The following CCDC82 variants were observed in gnomAD, a reference collection of about 807,000 sequenced individuals.
The protein encoded by CCDC82 is coiled-coil domain containing 82.
Under a neutral mutation model 60.6 loss-of-function variants are expected in CCDC82, and 47 were observed. The ratio of observed to expected loss-of-function variants is 0.77; its 90% confidence interval spans 0.61 to 0.99. The LOEUF (loss-of-function observed/expected upper bound fraction) is 0.99, where lower values mean the gene tolerates loss of function less well. Ranked by LOEUF, CCDC82 falls within the 50% of genes least tolerant of loss-of-function variation. CCDC82 has a pLI of 0.00. For missense variants in CCDC82, 588 were observed against 633.0 expected (o/e 0.93, Z 0.76); for synonymous variants, 212 against 207.4 (o/e 1.02, Z -0.19).
chr11:96,378,750 A>G (rs941059362), intron 5 of CCDC82, among the ~76,000 whole-genome samples: 19 of 152,020 alleles, frequency 1.2e-4, no homozygotes, highest in African/African-American at 4.3e-4. Context: ...TGTGTGAACT[A>G]TGTAAATGTG....
At chr11:96,389,557 A>C (rs1254158965) in intron 1 of CCDC82, 2 of 152,260 alleles carry the variant, frequency 1.3e-5, no homozygotes, top group African/African-American at 2.4e-5. Context: ...GGGTCTGGAA[A>C]GGCCAGAAAC....
At chr11:96,354,230 G>A (rs1383000042) in intron 9 of CCDC82, 1 of 152,298 alleles carries the variant, frequency 6.6e-6, no homozygotes, top group African/African-American at 2.4e-5. Flanking sequence ...GCAGTAAAGA[G>A]TGGCATTTAA....
At chr11:96,362,798 A>C (rs1238905791) in intron 8 of CCDC82, among the ~76,000 whole-genome samples, 1 of 152,170 alleles carries the variant, frequency 6.6e-6, no homozygotes, top group African/African-American at 2.4e-5. Flanking sequence ...TTCTTATGAA[A>C]CAAATTTGCT....
intron 9 of CCDC82, 91 bp downstream of exon 9, chr11:96,358,902 A>T: frequency 8.5e-7 from 1 of 1,176,758 alleles, no homozygotes; most frequent in Non-Finnish European, 1.2e-6. Context: ...ATTCTCTTAA[A>T]TTTCACTATC....
chr11:96,370,831 T>C (rs1180369238), intron 7 of CCDC82, among the ~76,000 whole-genome samples, 182 bp downstream of exon 7: 1 of 152,200 alleles, frequency 6.6e-6, no homozygotes, highest in East Asian at 1.9e-4. Flanking sequence ...AATTATTGGA[T>C]AGATATAGTT....
chr11:96,377,082 C>T (rs928898339), intron 5 of CCDC82, among the ~76,000 whole-genome samples: 10 of 152,264 alleles, frequency 6.6e-5, no homozygotes, highest in Middle Eastern at 3.4e-3. Context: ...TACAAATATT[C>T]GCTTAGGTAA....
intron 3 of CCDC82, chr11:96,385,322 A>G (rs1182638301): frequency 1.3e-5 from 2 of 152,642 alleles, no homozygotes; most frequent in African/African-American, 4.8e-5. Context: ...TGTTCAGTAA[A>G]TAAGCATGGC....
intron 6 of CCDC82, among the ~76,000 whole-genome samples, chr11:96,372,108 C>T (rs537521923): frequency 1.1e-3 from 167 of 152,226 alleles, no homozygotes; most frequent in African/African-American, 3.7e-3. Flanking sequence ...ACTTCAGCCA[C>T]AAAGGCCTTC....
intron 5 of CCDC82, chr11:96,383,053 C>G (rs1036988851): frequency 2.1e-6 from 1 of 479,718 alleles, no homozygotes; most frequent in East Asian, 3.3e-5. Flanking sequence ...ACAGGCATAA[C>G]TCATTGAAGT....
intron 6 of CCDC82, among the ~76,000 whole-genome samples, chr11:96,372,695 TAAA>T (rs1388098736): frequency 1.4e-5 from 2 of 144,396 alleles, no homozygotes; most frequent in East Asian, 3.9e-4. Flanking sequence ...AATAAATATA[TAAA>T]AATATATATA....
At chr11:96,367,820 C>CTTTTTT (rs777554159) in intron 7 of CCDC82, among the ~76,000 whole-genome samples, 5 of 122,724 alleles carry the variant, frequency 4.1e-5, no homozygotes, top group Non-Finnish European at 6.7e-5. Flanking sequence ...AAATGTATTT[C>CTTTTTT]TTTTTTTTTT....
chr11:96,374,868 G>C (rs970445100), intron 5 of CCDC82, among the ~76,000 whole-genome samples: 1 of 151,822 alleles, frequency 6.6e-6, no homozygotes, highest in Admixed American at 6.6e-5. Context: ...AGATAGATTT[G>C]TCTAATTTCA....
intron 5 of CCDC82, among the ~76,000 whole-genome samples, chr11:96,376,720 G>A (rs777332065): frequency 6.6e-6 from 1 of 152,080 alleles, no homozygotes. Flanking sequence ...GAGCCACCGC[G>A]CCTGGCCTGC....
rs1864157934 is a variant in CCDC82 at position 96,352,956 on chromosome 11, A to G, written c.*690T>C. On this transcript the variant is annotated 3_prime_UTR_variant, in exon 10 of 10. Coordinates refer to ENST00000646818, the MANE Select transcript of CCDC82 (RefSeq NM_024725.4). ...ATAAAAATAAATAAAATACATCTTAATCATCAATATATAGACAAAATTGAA... is the reference window on the plus strand; with the variant it reads ...ATAAAAATAAATAAAATACATCTTAGTCATCAATATATAGACAAAATTGAA... 1 of 152,214 alleles carries G rather than the reference A, an allele frequency of 6.6e-6. No individual in the cohort carries two copies. The highest frequency in any genetic ancestry group is 2.4e-5 in the African/African-American group (1 of 41,462). 9.4% of individuals were successfully genotyped at this position (152,214 alleles called of 1,614,324 possible).
intron 1 of CCDC82, chr11:96,388,813 C>G (rs893499854): frequency 3.3e-5 from 5 of 152,202 alleles, no homozygotes; most frequent in African/African-American, 1.2e-4. Context: ...TAAAACATCA[C>G]TCCTCTTCGA....
At chr11:96,365,918 A>G (rs1240007304) in intron 7 of CCDC82, among the ~76,000 whole-genome samples, 2 of 152,240 alleles carry the variant, frequency 1.3e-5, no homozygotes, top group African/African-American at 2.4e-5. Context: ...AACCACATTC[A>G]TATCTTCTAC....
chr11:96,373,410 T>C lies in CCDC82; in HGVS notation c.1049A>G (p.Asn350Ser). ...FERVVKALLI[N>S]ALDESFLGTL... ...TCCCAGAAAAGATTCATCTAAAGCG[T>C]TGATCAGAAGAGCCTTCACAACTCT... Residue 350 changes from asparagine (N) to serine (S), a missense_variant, in exon 6 of 10, where the codon AAC becomes AGC. Asn to Ser is a conservative substitution (Grantham distance 46). Coordinates refer to ENST00000646818, the MANE Select transcript of CCDC82 (RefSeq NM_024725.4). 6.2e-7 allele frequency: 1 copy of C among 1,609,734 alleles called. No homozygotes were observed. The highest frequency in any genetic ancestry group is 8.5e-7 in the Non-Finnish European group (1 of 1,176,974).
chr11:96,373,508 AAAT>A lies in CCDC82; in HGVS notation c.992-44_992-42del, dbSNP rs779074590. ...AATAAATATTAGAACAGAGCAGACAAAATAATTTCTTGAATACAATAGGTTCCA... is the reference window on the plus strand; with the variant it reads ...AATAAATATTAGAACAGAGCAGACAAAATTTCTTGAATACAATAGGTTCCA... On this transcript the variant is annotated intron_variant, in intron 5 of 9. Coordinates refer to ENST00000646818, the MANE Select transcript of CCDC82 (RefSeq NM_024725.4). 6.5e-6 allele frequency: 8 copies of A among 1,226,998 alleles called. No homozygotes were observed. The Admixed American group carries it at 1.6e-4, about 24-fold the overall frequency. 76.0% of individuals were successfully genotyped at this position (1,226,998 alleles called of 1,614,324 possible).
chr11:96,367,511 G>A (rs572509195), intron 7 of CCDC82, among the ~76,000 whole-genome samples: 2 of 152,276 alleles, frequency 1.3e-5, no homozygotes, highest in South Asian at 4.1e-4. Flanking sequence ...TTTTTATCAT[G>A]AGATTGCAGC....
Sources: gnomAD v4.1 joint callset for allele counts (sites outside exome capture counted in the v4.1 genomes callset) on GRCh38, gnomAD v4.1.1 for gene constraint, MANE v1.5 for transcripts, NCBI Gene and HGNC (gene_info 2026-07-23, HGNC 2026-07-21) for gene names.